Variants in CD8B observed in about 807,000 individuals in gnomAD.
The protein encoded by CD8B is T-cell surface glycoprotein CD8 beta chain.
Under a neutral mutation model 24.2 loss-of-function variants are expected in CD8B, and 6 were observed. The observed-to-expected ratio is 0.25, with a 90% confidence interval of 0.14 to 0.49. CD8B has a LOEUF of 0.49. Ranked by LOEUF, CD8B falls within the 20% of genes least tolerant of loss-of-function variation. The pLI, the probability that CD8B is intolerant of heterozygous loss-of-function variation, is 0.98. For synonymous variants in CD8B, 84 were observed against 108.3 expected (o/e 0.78, Z 1.39); for missense variants, 196 against 271.3 (o/e 0.72, Z 1.95).
chr2:86,830,362 T>A (rs1251569316), intron 5 of CD8B, among the ~76,000 whole-genome samples: 1 of 152,182 alleles, frequency 6.6e-6, no homozygotes, highest in Non-Finnish European at 1.5e-5. Context: ...AGGCCAGCAG[T>A]TCGAGACCAG....
At chr2:86,833,547 C>T (rs143850681), downstream of CD8B, among the ~76,000 whole-genome samples, 1,407 of 128,656 alleles carry the variant, frequency 0.011, 69 homozygotes, top group African/African-American at 0.039. Flanking sequence ...CCCTCCCGTC[C>T]GCTCTCCTCC....
At position 86,839,979 on chromosome 2, in the gene CD8B, C is replaced by G. The variant is rs1675344037; in HGVS notation, c.*2328G>C. ...CTCAGCCTTGGAAGGCAGCCTGTCCCTTGTCCTCAGAGCTGATGGGCAGAG... is the reference window on the plus strand; with the variant it reads ...CTCAGCCTTGGAAGGCAGCCTGTCCGTTGTCCTCAGAGCTGATGGGCAGAG... On this transcript the variant is annotated 3_prime_UTR_variant, in exon 6 of 6. Coordinates refer to ENST00000390655, the MANE Select transcript of CD8B (RefSeq NM_004931.5). 6.6e-6 allele frequency among the ~76,000 whole-genome samples: 1 copy of G among 152,186 alleles called. No homozygotes were observed. The highest frequency in any genetic ancestry group is 1.5e-5 in the Non-Finnish European group (1 of 68,042).
intron 5 of CD8B, among the ~76,000 whole-genome samples, chr2:86,832,228 C>T (rs548292940): frequency 6.6e-6 from 1 of 152,276 alleles, no homozygotes; most frequent in East Asian, 1.9e-4. Context: ...CCTGTAATCC[C>T]AGCACTTTGG....
In CD8B at chr2:86,840,335, A is replaced by T. The variant is rs1675362295; in HGVS notation, c.*1972T>A. Among the ~76,000 whole-genome samples the T allele has an allele frequency of 6.6e-6, 1 of 152,206 alleles. No individual in the cohort carries two copies. On this transcript the variant is annotated 3_prime_UTR_variant, in exon 6 of 6. Transcript: ENST00000390655. ...GGCAGGGCATCTAAGGCCAATTAAC[A>T]TACACCAAAAGGAAAAACCCCATCT... is the stretch of plus-strand genomic sequence containing the variant.
At chr2:86,844,351 A>G (rs10200219) in intron 5 of CD8B, among the ~76,000 whole-genome samples, 104,829 of 149,312 alleles carry the variant, frequency 0.7, 37,105 homozygotes, top group East Asian at 0.81. Flanking sequence ...AATGGCTGGT[A>G]GAAGAGGCTG....
chr2:86,838,162 G>A (rs571284965), downstream of CD8B, among the ~76,000 whole-genome samples: 8 of 152,244 alleles, frequency 5.3e-5, no homozygotes, highest in East Asian at 1.5e-3. Flanking sequence ...AATGGCCAGA[G>A]GTTCTTTTTT....
At chr2:86,848,163 A>C (rs968892351) in intron 3 of CD8B, among the ~76,000 whole-genome samples, 62 of 152,334 alleles carry the variant, frequency 4.1e-4, no homozygotes, top group African/African-American at 1.4e-3. Context: ...TAAACCACAG[A>C]CTTTGCCCAT....
chr2:86,827,570 C>T (rs4832052), intron 5 of CD8B, among the ~76,000 whole-genome samples: 37,565 of 149,858 alleles, frequency 0.25, 5,346 homozygotes, highest in Non-Finnish European at 0.33. Flanking sequence ...TGCAGTGAGC[C>T]GAGAGGGCAC....
chr2:86,861,699 G>T lies in CD8B; in HGVS notation c.43+124C>A. Reference sequence around the variant, plus strand: ...GTGCCTGCCAAGCTGCCTCCCGGGCGCCCCGCCACCGCGGGCTCGACGCTG... The same window carrying T: ...GTGCCTGCCAAGCTGCCTCCCGGGCTCCCCGCCACCGCGGGCTCGACGCTG... On this transcript the variant is annotated intron_variant, in intron 1 of 5. Transcript: ENST00000390655. The T allele has an allele frequency of 9.5e-6, 6 of 631,644 alleles. No individual in the cohort carries two copies. In the South Asian group the frequency reaches 3.2e-4, roughly 33 times the overall value. 39.1% of individuals were successfully genotyped at this position (631,644 alleles called of 1,614,324 possible).
chr2:86,841,546 T>C lies in CD8B; in HGVS notation c.*761A>G. The C allele has an allele frequency of 1.0e-6, 1 of 982,138 alleles. No individual in the cohort carries two copies. Among genetic ancestry groups the C allele is most frequent in the Non-Finnish European group, 1.2e-6 (1 of 826,966 alleles). 60.8% of individuals were successfully genotyped at this position (982,138 alleles called of 1,614,324 possible). A position where few individuals can be genotyped will look rare whatever the true frequency, so the allele number is the denominator to read the frequency against. On this transcript the variant is annotated 3_prime_UTR_variant, in exon 6 of 6. Transcript: ENST00000390655. ...CCACGGAGCACTGATGTCTTTGCTG[T>C]AGATGGGCTTTCGCACGTTTATGTC...
chr2:86,851,962 G>A (rs1372419609), intron 3 of CD8B, among the ~76,000 whole-genome samples: 2 of 152,102 alleles, frequency 1.3e-5, no homozygotes, highest in South Asian at 2.1e-4. Flanking sequence ...CCTCTGTTAG[G>A]TATTAAAACT....
chr2:86,846,161 T>C (rs1334138066), intron 4 of CD8B, among the ~76,000 whole-genome samples: 3 of 152,208 alleles, frequency 2.0e-5, no homozygotes, highest in Non-Finnish European at 4.4e-5. Context: ...GACAGTCCCG[T>C]CTCTGGGGTG....
Position 86,841,963 on chromosome 2 carries a change from G to T in CD8B, c.*344C>A. ...CTGCCCTACCAGGGCAAAGCAACCT[G>T]CAAAGATGGTGGCTAAATGGCCACC... is the stretch of plus-strand genomic sequence containing the variant. On this transcript the variant is annotated 3_prime_UTR_variant, in exon 6 of 6. Transcript: ENST00000390655. 9.5e-7 allele frequency: 1 copy of T among 1,055,954 alleles called. No individual in the cohort carries two copies. The highest frequency in any genetic ancestry group is 1.1e-6 in the Non-Finnish European group (1 of 876,578). 65.4% of individuals were successfully genotyped at this position (1,055,954 alleles called of 1,614,324 possible).
At position 86,858,343 on chromosome 2, in the gene CD8B, C is replaced by T; in HGVS notation, c.117G>A (p.Leu39=). Reference sequence around the variant, plus strand: ...TGAGGGAGATTTTAGCCTCGCAGGACAGCATCACCATCTTGTTGGTTTGCA... The same window carrying T: ...TGAGGGAGATTTTAGCCTCGCAGGATAGCATCACCATCTTGTTGGTTTGCA... ...IKVQTNKMVM[L]SCEAKISLSN... The change falls in exon 2 of 6, where the codon CTG becomes CTA. Residue 39 remains leucine (L), a synonymous_variant. Coordinates refer to ENST00000390655, the MANE Select transcript of CD8B (RefSeq NM_004931.5). The T allele has an allele frequency of 6.2e-7, 1 of 1,613,898 alleles. No individual in the cohort carries two copies. The highest frequency in any genetic ancestry group is 8.5e-7 in the Non-Finnish European group (1 of 1,179,830).
At chr2:86,823,196 AC>A (rs1674543535) in intron 5 of CD8B, among the ~76,000 whole-genome samples, 1 of 152,186 alleles carries the variant, frequency 6.6e-6, no homozygotes, top group Non-Finnish European at 1.5e-5. Context: ...ATTCAGAGAC[AC>A]CACTCTTGGT....
chr2:86,826,538 G>T (rs1216504455), intron 5 of CD8B, among the ~76,000 whole-genome samples: 1 of 152,134 alleles, frequency 6.6e-6, no homozygotes, highest in African/African-American at 2.4e-5. Flanking sequence ...GGACTTGGGT[G>T]CATCACCTGA....
chr2:86,844,807 C>A (rs970338870), intron 5 of CD8B, 115 bp downstream of exon 5: 6 of 1,544,128 alleles, frequency 3.9e-6, no homozygotes, highest in Non-Finnish European at 5.3e-6. Context: ...TATGCCCGGC[C>A]GAGTCTATGA....
chr2:86,850,162 T>G (rs1380515219), intron 3 of CD8B, among the ~76,000 whole-genome samples: 1 of 152,080 alleles, frequency 6.6e-6, no homozygotes, highest in Non-Finnish European at 1.5e-5. Context: ...CCATCCAAAA[T>G]TTGACTCTCC....
At chr2:86,849,860 T>G (rs1356568619) in intron 3 of CD8B, among the ~76,000 whole-genome samples, 1 of 151,976 alleles carries the variant, frequency 6.6e-6, no homozygotes, top group African/African-American at 2.4e-5. Flanking sequence ...CCCACCACAA[T>G]GCCCAGCTAA....
Sources: gnomAD v4.1 joint callset for allele counts (sites outside exome capture counted in the v4.1 genomes callset) on GRCh38, gnomAD v4.1.1 for gene constraint, MANE v1.5 for transcripts, NCBI Gene and HGNC (gene_info 2026-07-23, HGNC 2026-07-21) for gene names.